The following MAPK8IP3 variants were observed in gnomAD, a reference collection of about 807,000 sequenced individuals.
The protein encoded by MAPK8IP3 is mitogen-activated protein kinase 8 interacting protein 3.
In MAPK8IP3, 49 loss-of-function variants were observed where a neutral mutation model predicts 157.8. The ratio of observed to expected loss-of-function variants is 0.31; its 90% CI spans 0.25 to 0.39. The LOEUF is 0.39. Among genes scored for constraint, MAPK8IP3 ranks in the 10% least tolerant of loss-of-function variants. MAPK8IP3 has a pLI of 1.00. For missense variants in MAPK8IP3, 1,478 were observed against 1,889.4 expected (o/e 0.78, Z 4.04); for synonymous variants, 897 against 777.7 (o/e 1.15, Z -2.55).
At chr16:1,715,564 A>G (rs2038091789) in intron 1 of MAPK8IP3, among the ~76,000 whole-genome samples, 1 of 152,162 alleles carries the variant, frequency 6.6e-6, no homozygotes, top group Non-Finnish European at 1.5e-5. Flanking sequence ...TTTCCTTTGG[A>G]AATTCATACT....
At position 1,741,004 on chromosome 16, in the gene MAPK8IP3, C is replaced by T. The variant is rs1013926453; in HGVS notation, c.603-2328C>T. 1.3e-5 allele frequency among the ~76,000 whole-genome samples: 2 copies of T among 152,148 alleles called. No individual in the cohort carries two copies. The highest frequency in any genetic ancestry group is 6.5e-5 in the Admixed American group (1 of 15,286). On this transcript the variant is annotated intron_variant, in intron 4 of 31. Coordinates refer to ENST00000610761, the MANE Select transcript of MAPK8IP3 (RefSeq NM_001318852.2). The surrounding 1 kb of genome is among the most constrained non-coding windows in gnomAD (Gnocchi z 6.9). ...GCCTTGGTCACAGACGAAGGCACGG[C>T]GCCGACTCCTGCTAAGGAGGGGTGT... is the stretch of plus-strand genomic sequence containing the variant.
intron 4 of MAPK8IP3, among the ~76,000 whole-genome samples, chr16:1,735,224 G>A (rs1372910764): frequency 6.6e-6 from 1 of 152,204 alleles, no homozygotes; most frequent in Non-Finnish European, 1.5e-5. Context: ...GGCCGTCCGT[G>A]TGAGCGTCCA....
At chr16:1,745,522 A>G (rs2040909773) in intron 5 of MAPK8IP3, 1 of 152,368 alleles carries the variant, frequency 6.6e-6, no homozygotes. Context: ...ACATTTCTAC[A>G]AAGCCACTCC....
At chr16:1,736,659 CGT>C (rs148973244) in intron 4 of MAPK8IP3, among the ~76,000 whole-genome samples, 34 of 33,940 alleles carry the variant, frequency 1.0e-3, no homozygotes, top group African/African-American at 2.6e-3. Flanking sequence ...TCCGTGTGAG[CGT>C]GTGACCGTCC....
At chr16:1,758,009 C>T (rs2041713480) in intron 8 of MAPK8IP3, 139 bp from the exon 9 acceptor site, 5 of 847,010 alleles carry the variant, frequency 5.9e-6, no homozygotes, top group South Asian at 4.7e-5. Context: ...GCTGCTCCCT[C>T]TCTCTCCTGC....
chr16:1,766,479 G>A, intron 22 of MAPK8IP3, 50 bp from the exon 23 acceptor site: 6 of 1,603,996 alleles, frequency 3.7e-6, no homozygotes, highest in Non-Finnish European at 5.1e-6. Flanking sequence ...GGGGTCTTGG[G>A]GCAGGTGCGT....
In MAPK8IP3 at chr16:1,765,980, C is replaced by T; in HGVS notation, c.2467C>T (p.Pro823Ser). 1 of 1,612,312 alleles carries T rather than the reference C, an allele frequency of 6.2e-7. No homozygotes were observed. The highest frequency in any genetic ancestry group is 8.5e-7 in the Non-Finnish European group (1 of 1,179,646). ...SIPAASDSDYPPGEMFLDSDV... is the reference protein window; with the variant it reads ...SIPAASDSDYSPGEMFLDSDV... ...CCCAGCGGCCAGCGACAGCGACTACCCTCCCGGGGAGATGTTCCTGGACAG... is the reference window on the plus strand; with the variant it reads ...CCCAGCGGCCAGCGACAGCGACTACTCTCCCGGGGAGATGTTCCTGGACAG... The change falls in exon 21 of 32, where the codon CCT (proline) becomes TCT (serine). Residue 823 changes from proline (P) to serine (S), a missense_variant. Physicochemically the swap from Pro to Ser is moderately conservative, Grantham distance 74 (BLOSUM62 -1). Transcript: ENST00000610761.
rs755083825 is a variant in MAPK8IP3, at chr16:1,764,224, G to C, written c.2121+14G>C. The C allele has an allele frequency of 1.9e-6, 3 of 1,608,088 alleles. No individual in the cohort carries two copies. The highest frequency in any genetic ancestry group is 1.3e-5 in the African/African-American group (1 of 74,924). ...CCCACCATGAAGGTGAGCCCGCGAG[G>C]ACCCCGCTCAGGCTGGCTGGGCGAG... On this transcript the variant is annotated intron_variant, in intron 18 of 31. Transcript: ENST00000610761.
rs540996486 is a variant in MAPK8IP3 at position 1,739,684 on chromosome 16, G to A, written c.603-3648G>A. On this transcript the variant is annotated intron_variant, in intron 4 of 31. Transcript: ENST00000610761. ...TGTGTGACCGTTCGTGTGAGTGACC[G>A]TCCGTGTGAGCTTCCGTGTGACCGT... 1.0e-4 allele frequency among the ~76,000 whole-genome samples: 13 copies of A among 128,436 alleles called. 1 individual carries two copies. Among genetic ancestry groups the A allele is most frequent in the African/African-American group, 2.8e-4 (9 of 32,018 alleles). 84.3% of individuals were successfully genotyped at this position (128,436 alleles called of 152,430 possible).
At chr16:1,732,373 C>T (rs895538553) in intron 4 of MAPK8IP3, among the ~76,000 whole-genome samples, 8 of 152,246 alleles carry the variant, frequency 5.3e-5, no homozygotes, top group African/African-American at 1.9e-4. Flanking sequence ...GTTACACCTG[C>T]AAACGAGAAG....
At chr16:1,757,801 C>CCA (rs1174253363) in intron 8 of MAPK8IP3, among the ~76,000 whole-genome samples, 1 of 152,202 alleles carries the variant, frequency 6.6e-6, no homozygotes, top group Non-Finnish European at 1.5e-5. Context: ...CCACACCCTG[C>CCA]CACACACACT....
At chr16:1,756,395 A>G (rs1419282815) in intron 8 of MAPK8IP3, among the ~76,000 whole-genome samples, 1 of 151,908 alleles carries the variant, frequency 6.6e-6, no homozygotes, top group Non-Finnish European at 1.5e-5. Flanking sequence ...GGCCCCAGCT[A>G]CTTGGGAGGC....
At chr16:1,744,517 GGA>G (rs2040851524) in intron 5 of MAPK8IP3, 1 of 985,618 alleles carries the variant, frequency 1.0e-6, no homozygotes, top group Admixed American at 6.1e-5. Context: ...GCTCAGGGCT[GGA>G]GAGAGGGTGG....
In MAPK8IP3 at chr16:1,766,236, C is replaced by T. The variant is rs1284871295; in HGVS notation, c.2646C>T (p.Ile882=). The change falls in exon 22 of 32, where the codon ATC becomes ATT. Residue 882 remains isoleucine, a synonymous_variant. Coordinates refer to ENST00000610761, the MANE Select transcript of MAPK8IP3 (RefSeq NM_001318852.2). ...CTAACACAGGGGAGGTGGCCACCAT[C>T]GCCAACGGGAAGGTCAACCCGTCCC... The part of the protein sequence containing the change: ...LDKGQGEVAT[I]ANGKVNPSQS... The T allele has an allele frequency of 5.6e-6, 9 of 1,609,992 alleles. No individual in the cohort carries two copies. Among genetic ancestry groups the T allele is most frequent in the Admixed American group, 1.7e-5 (1 of 60,002 alleles).
At position 1,766,706 on chromosome 16, in the gene MAPK8IP3, G is replaced by A. The variant is rs553336478; in HGVS notation, c.2940-17G>A. The A allele has an allele frequency of 1.7e-5, 27 of 1,612,650 alleles. No homozygotes were observed. The African/African-American group carries it at 2.5e-4, about 15-fold the overall frequency. On this transcript the variant is annotated splice_polypyrimidine_tract_variant and intron_variant, in intron 23 of 31. Transcript: ENST00000610761. ...GTCCTGGGTGAGCCCCTCGCCCATCGCCGCTTCCTTCCCTAGGCTCTATGT... is the reference window on the plus strand; with the variant it reads ...GTCCTGGGTGAGCCCCTCGCCCATCACCGCTTCCTTCCCTAGGCTCTATGT...
At chr16:1,738,838 C>T (rs1450335383) in intron 4 of MAPK8IP3, among the ~76,000 whole-genome samples, 5 of 134,778 alleles carry the variant, frequency 3.7e-5, no homozygotes, top group African/African-American at 1.1e-4. Flanking sequence ...TCCGTGTGAG[C>T]GTCCGTGTGA....
intron 4 of MAPK8IP3, among the ~76,000 whole-genome samples, chr16:1,737,010 G>C (rs1338409626): frequency 1.3e-5 from 1 of 75,730 alleles, no homozygotes; most frequent in African/African-American, 5.2e-5. Context: ...GTGACCGTCC[G>C]TGTGAGAGTG....
chr16:1,721,258 G>T (rs940847669), intron 1 of MAPK8IP3, among the ~76,000 whole-genome samples: 20 of 151,008 alleles, frequency 1.3e-4, no homozygotes, highest in African/African-American at 4.6e-4. Flanking sequence ...ACTTGAACCC[G>T]GGAGGCGGAG....
rs922489909 is a variant in MAPK8IP3, at chr16:1,741,178, C to T, written c.603-2154C>T. ...ACACACCCATGACCCCCAAGGGCAG[C>T]GTGACCCCCGAGGGTGGCGTGACCC... On this transcript the variant is annotated intron_variant, in intron 4 of 31. Transcript: ENST00000610761. This position sits in a 1 kb window ranked among gnomAD's most constrained non-coding sequence, Gnocchi z 6.9. Among the ~76,000 whole-genome samples the T allele has an allele frequency of 4.1e-4, 63 of 152,104 alleles. 1 individual carries two copies.
Sources: allele counts gnomAD v4.1 joint callset (sites outside exome capture counted in the v4.1 genomes callset), GRCh38; gene constraint gnomAD v4.1.1; non-coding constraint Gnocchi (gnomAD v3.1); transcripts MANE v1.5; gene names NCBI Gene and HGNC (gene_info 2026-07-23, HGNC 2026-07-21).